Variants in DPP6 observed in about 807,000 individuals in gnomAD.
DPP6 encodes dipeptidyl peptidase like 6, also known as A-type potassium channel modulatory protein DPP6.
Under a neutral mutation model 122.6 loss-of-function variants are expected in DPP6, and 69 were observed. The ratio of observed to expected loss-of-function variants is 0.56; its 90% CI spans 0.46 to 0.69. DPP6 has a LOEUF of 0.69. Ranked by LOEUF, DPP6 falls within the 30% of genes least tolerant of loss-of-function variation. The pLI is 0.00. For synonymous variants in DPP6, 418 were observed against 433.1 expected, an observed-to-expected ratio of 0.97 and a Z score of 0.43; for missense variants, 928 against 1,116.9, an observed-to-expected ratio of 0.83 and a Z score of 2.41.
intron 1 of DPP6, among the ~76,000 whole-genome samples, chr7:154,041,147 C>T (rs1329511498): frequency 1.3e-5 from 2 of 152,120 alleles, no homozygotes; most frequent in Non-Finnish European, 1.5e-5. Flanking sequence ...CTTTACAAAT[C>T]CTGGATAGAA....
chr7:154,832,132 C>A (rs1800674816), intron 16 of DPP6, among the ~76,000 whole-genome samples: 1 of 152,208 alleles, frequency 6.6e-6, no homozygotes, highest in Non-Finnish European at 1.5e-5. Context: ...TATGACTCTT[C>A]TTTCCCTCAT....
the DPP6 span, among the ~76,000 whole-genome samples, chr7:153,807,289 G>A: frequency 1.3e-5 from 2 of 151,676 alleles, no homozygotes; most frequent in African/African-American, 4.9e-5. Flanking sequence ...GGCAGGCCCA[G>A]CTACTTGGTA....
At chr7:154,338,998 C>A (rs1359670456) in intron 1 of DPP6, among the ~76,000 whole-genome samples, 2 of 152,200 alleles carry the variant, frequency 1.3e-5, no homozygotes, top group Admixed American at 6.5e-5. Context: ...CAGCATCTAA[C>A]GTTGCTATTT....
At position 154,752,278 on chromosome 7, in the gene DPP6, G is replaced by A. The variant is rs1448455441; in HGVS notation, c.884-17139G>A. On this transcript the variant is annotated intron_variant, in intron 8 of 25. Coordinates refer to ENST00000377770, the MANE Select transcript of DPP6 (RefSeq NM_130797.4). ...TATCTCCAAAGTGATAATGTTACCAGTACTGGACATCAAGGCTTTCTGTTG... is the reference window on the plus strand; with the variant it reads ...TATCTCCAAAGTGATAATGTTACCAATACTGGACATCAAGGCTTTCTGTTG... 3.9e-5 allele frequency among the ~76,000 whole-genome samples: 6 copies of A among 152,332 alleles called. No homozygotes were observed. In the South Asian group the frequency reaches 8.3e-4, roughly 21 times the overall value.
At chr7:154,665,333 ATTAT>A (rs1221904874) in intron 6 of DPP6, among the ~76,000 whole-genome samples, 10 of 152,126 alleles carry the variant, frequency 6.6e-5, no homozygotes, top group African/African-American at 1.9e-4. Context: ...GATTTATTTA[ATTAT>A]TTATATCAGT....
chr7:154,604,276 T>C (rs1446800890), intron 5 of DPP6, among the ~76,000 whole-genome samples: 1 of 120,344 alleles, frequency 8.3e-6, no homozygotes, highest in Admixed American at 9.3e-5. Flanking sequence ...TTCTCTTCTG[T>C]TCTATTTATC....
chr7:154,686,355 A>G (rs1263892203), intron 7 of DPP6, among the ~76,000 whole-genome samples: 2 of 151,990 alleles, frequency 1.3e-5, no homozygotes, highest in African/African-American at 4.8e-5. Context: ...TGCACTGTAA[A>G]TACAGTGTTA....
intron 1 of DPP6, among the ~76,000 whole-genome samples, chr7:154,261,253 A>G (rs543109137): frequency 6.6e-6 from 1 of 152,310 alleles, no homozygotes; most frequent in Middle Eastern, 3.4e-3. Flanking sequence ...GCACTAGTTT[A>G]CATTTTCACC....
At chr7:154,805,196 C>A (rs1178393898) in intron 15 of DPP6, among the ~76,000 whole-genome samples, 1 of 152,208 alleles carries the variant, frequency 6.6e-6, no homozygotes, top group Non-Finnish European at 1.5e-5. Context: ...TTGGGTTTTC[C>A]CTGTCACCCA....
chr7:154,139,181 G>A (rs143887737), intron 1 of DPP6, among the ~76,000 whole-genome samples: 6 of 150,886 alleles, frequency 4.0e-5, no homozygotes, highest in African/African-American at 1.2e-4. Flanking sequence ...AGGCTGAGTC[G>A]CATGCAGGCC....
chr7:154,609,193 T>TTATGTTG (rs1375087283), intron 5 of DPP6, among the ~76,000 whole-genome samples: 1 of 152,242 alleles, frequency 6.6e-6, no homozygotes, highest in Non-Finnish European at 1.5e-5. Flanking sequence ...AACAGTTTCG[T>TTATGTTG]TATGTTGTAT....
At chr7:154,027,282 A>G (rs1053711102) in intron 1 of DPP6, among the ~76,000 whole-genome samples, 1 of 152,116 alleles carries the variant, frequency 6.6e-6, no homozygotes, top group African/African-American at 2.4e-5. Flanking sequence ...AATTTCTCTG[A>G]CACCTTCACT....
chr7:154,265,423 C>G (rs964846126), intron 1 of DPP6, among the ~76,000 whole-genome samples: 2 of 152,162 alleles, frequency 1.3e-5, no homozygotes, highest in Non-Finnish European at 2.9e-5. Context: ...TTGTGCCACT[C>G]AAGTCCTTGG....
intron 5 of DPP6, among the ~76,000 whole-genome samples, chr7:154,585,754 G>C (rs551059810): frequency 6.4e-4 from 98 of 152,204 alleles, no homozygotes; most frequent in Non-Finnish European, 1.3e-3. Context: ...GTTCAGTACA[G>C]ATGCACCCAT....
intron 1 of DPP6, among the ~76,000 whole-genome samples, chr7:153,963,456 A>T (rs1194720359): frequency 6.8e-6 from 1 of 146,772 alleles, no homozygotes; most frequent in African/African-American, 2.5e-5. Context: ...GGCTGGAAAA[A>T]GCATCCCGCT....
intron 1 of DPP6, among the ~76,000 whole-genome samples, chr7:154,364,836 C>CA (rs1812020608): frequency 6.6e-6 from 1 of 152,184 alleles, no homozygotes; most frequent in Admixed American, 6.5e-5. Context: ...TCGGAACCGG[C>CA]ACAGTAGTTG....
intron 3 of DPP6, among the ~76,000 whole-genome samples, chr7:154,533,668 T>G (rs1414118734): frequency 6.6e-6 from 1 of 152,154 alleles, no homozygotes; most frequent in Admixed American, 6.5e-5. Context: ...TTCATGATCA[T>G]GAGGCAAAAA....
chr7:153,997,959 C>T (rs1275228135), intron 1 of DPP6, among the ~76,000 whole-genome samples: 6 of 151,584 alleles, frequency 4.0e-5, no homozygotes, highest in East Asian at 1.9e-4. Flanking sequence ...CATGGAAGGT[C>T]GCCCTGTTGA....
At chr7:153,852,146 A>T in the DPP6 span, among the ~76,000 whole-genome samples, 19,043 of 152,100 alleles carry the variant, frequency 0.13, 1,271 homozygotes, top group African/African-American at 0.17. Context: ...ATTTTCTGTT[A>T]GGCTCGATGT....
Sources: allele counts gnomAD v4.1 joint callset (sites outside exome capture counted in the v4.1 genomes callset), GRCh38; gene constraint gnomAD v4.1.1; transcripts MANE v1.5; gene names NCBI Gene and HGNC (gene_info 2026-07-23, HGNC 2026-07-21).